Variants in PARM1 observed in about 807,000 individuals in gnomAD.
The protein encoded by PARM1 is prostate androgen-regulated mucin-like protein 1, also known as WSC4, cell wall integrity and stress response component 4 homolog.
Under a neutral mutation model 24.6 loss-of-function variants are expected in PARM1, and 14 were observed. The observed-to-expected ratio is 0.57, with a 90% CI of 0.38 to 0.89. The LOEUF is 0.89. Ranked by LOEUF, PARM1 falls within the 40% of genes least tolerant of loss-of-function variation. The pLI, the probability that PARM1 is intolerant of heterozygous loss-of-function variation, is 0.00. For synonymous variants in PARM1, 179 were observed against 156.6 expected, an observed-to-expected ratio of 1.14 and a Z score of -1.07; for missense variants, 362 against 380.4, an observed-to-expected ratio of 0.95 and a Z score of 0.40.
chr4:75,021,506 A>G (rs773641268), intron 2 of PARM1, among the ~76,000 whole-genome samples: 1 of 151,090 alleles, frequency 6.6e-6, no homozygotes, highest in Non-Finnish European at 1.5e-5. Flanking sequence ...GGTCTGTTAC[A>G]TGGGTAAATT....
chr4:74,955,202 A>G (rs999554698), intron 1 of PARM1, among the ~76,000 whole-genome samples: 3 of 152,094 alleles, frequency 2.0e-5, no homozygotes, highest in Non-Finnish European at 4.4e-5. Context: ...AGCTTACTCT[A>G]TATAATGTAG....
chr4:74,992,374 T>A (rs116754306), intron 1 of PARM1, among the ~76,000 whole-genome samples: 2,152 of 152,280 alleles, frequency 0.014, 67 homozygotes, highest in African/African-American at 0.049. Context: ...GGACAACTTC[T>A]AGAGGCTTAG....
intron 3 of PARM1, among the ~76,000 whole-genome samples, chr4:75,041,089 G>A (rs1283485402): frequency 2.0e-5 from 3 of 152,144 alleles, no homozygotes; most frequent in Admixed American, 6.5e-5. Context: ...GTCTCCCCAC[G>A]TAGAATGTAA....
Position 75,012,826 on chromosome 4 carries a change from A to T in PARM1, c.445A>T (p.Ile149Phe). 1 of 1,613,776 alleles carries T rather than the reference A, an allele frequency of 6.2e-7. No homozygotes were observed. Among genetic ancestry groups the T allele is most frequent in the East Asian group, 2.2e-5 (1 of 44,868 alleles). The change falls in exon 2 of 4, where the codon ATC becomes TTC. Residue 149 changes from isoleucine to phenylalanine, a missense_variant. Physicochemically the swap from Ile to Phe is conservative, Grantham distance 21. Coordinates refer to ENST00000307428, the MANE Select transcript of PARM1 (RefSeq NM_015393.4). The stretch of plus-strand genomic sequence containing the variant: ...GTCCGCTGCTGAGCCTCCCACACTC[A>T]TCTCCCCTCAAGCTCCAGCCTCATC... ...SQSAAEPPTL[I>F]SPQAPASSPS... is the part of the protein sequence containing the mutation.
At chr4:75,027,522 TCTCA>T (rs1280267286) in intron 2 of PARM1, among the ~76,000 whole-genome samples, 1 of 152,110 alleles carries the variant, frequency 6.6e-6, no homozygotes, top group Non-Finnish European at 1.5e-5. Context: ...GGTTTTCTTT[TCTCA>T]CTTTCTCTCC....
At chr4:74,951,615 A>G (rs374628032) in intron 1 of PARM1, among the ~76,000 whole-genome samples, 3 of 151,946 alleles carry the variant, frequency 2.0e-5, no homozygotes. Flanking sequence ...ACAGGCCCCA[A>G]ATGATGTTCC....
At chr4:74,952,413 C>A (rs1319444291) in intron 1 of PARM1, among the ~76,000 whole-genome samples, 2 of 152,118 alleles carry the variant, frequency 1.3e-5, no homozygotes, top group African/African-American at 2.4e-5. Context: ...ATGATAGTTT[C>A]TTTTGCTGTG....
chr4:75,047,284 A>G lies in PARM1; in HGVS notation c.*1037A>G, dbSNP rs953100964. ...TGGCTGTAAAATGTTTAAAAACAAA[A>G]CAAAACAAAAAAGAGGCACTAGTCT... is the stretch of plus-strand genomic sequence containing the variant. On this transcript the variant is annotated 3_prime_UTR_variant, in exon 4 of 4. Transcript: ENST00000307428. 6.6e-6 allele frequency: 1 copy of G among 152,238 alleles called. No individual in the cohort carries two copies. Among genetic ancestry groups the G allele is most frequent in the Non-Finnish European group, 1.5e-5 (1 of 68,044 alleles). 9.4% of individuals were successfully genotyped at this position (152,238 alleles called of 1,614,324 possible).
intron 1 of PARM1, among the ~76,000 whole-genome samples, chr4:74,980,287 T>C (rs7688224): frequency 0.21 from 32,104 of 151,888 alleles, 4,158 homozygotes; most frequent in African/African-American, 0.35. Flanking sequence ...ACAAAATCAG[T>C]TTGCAAAAAT....
At chr4:74,995,523 A>G (rs1391323041) in intron 1 of PARM1, among the ~76,000 whole-genome samples, 1 of 152,148 alleles carries the variant, frequency 6.6e-6, no homozygotes, top group African/African-American at 2.4e-5. Context: ...AAACTGAGAC[A>G]CAAGAGAGAG....
intron 1 of PARM1, among the ~76,000 whole-genome samples, chr4:74,976,153 G>A (rs1299329758): frequency 6.6e-6 from 1 of 152,168 alleles, no homozygotes; most frequent in Non-Finnish European, 1.5e-5. Flanking sequence ...ACTCTTGGTG[G>A]CTGCTTGAGT....
chr4:75,031,073 A>G (rs898526587), intron 2 of PARM1, among the ~76,000 whole-genome samples: 1 of 152,114 alleles, frequency 6.6e-6, no homozygotes, highest in Non-Finnish European at 1.5e-5. Flanking sequence ...GGAACTTCCC[A>G]GGGCTGATGG....
At chr4:74,977,375 T>A (rs1199233061) in intron 1 of PARM1, among the ~76,000 whole-genome samples, 1 of 152,034 alleles carries the variant, frequency 6.6e-6, no homozygotes, top group African/African-American at 2.4e-5. Flanking sequence ...TTGAAGACTA[T>A]CTTCTGAAAC....
At chr4:74,935,848 A>G (rs983666099) in intron 1 of PARM1, among the ~76,000 whole-genome samples, 1 of 152,040 alleles carries the variant, frequency 6.6e-6, no homozygotes, top group Non-Finnish European at 1.5e-5. Context: ...AAATATATTT[A>G]TATATTTTTA....
At chr4:74,948,636 A>G (rs990709962) in intron 1 of PARM1, among the ~76,000 whole-genome samples, 3 of 150,154 alleles carry the variant, frequency 2.0e-5, no homozygotes, top group Non-Finnish European at 4.4e-5. Context: ...CTGGACACCA[A>G]AAAGACACAG....
intron 2 of PARM1, among the ~76,000 whole-genome samples, chr4:75,024,818 C>T (rs1005110859): frequency 6.6e-6 from 1 of 152,170 alleles, no homozygotes; most frequent in African/African-American, 2.4e-5. Flanking sequence ...CCTGCCTCAG[C>T]CTCCTGAATA....
intron 1 of PARM1, among the ~76,000 whole-genome samples, chr4:75,008,905 T>C (rs1722818984): frequency 6.7e-6 from 1 of 149,690 alleles, no homozygotes; most frequent in Non-Finnish European, 1.5e-5. Flanking sequence ...CATGATGCTA[T>C]GAATGGTAAA....
At chr4:75,037,915 G>A (rs1294844564) in intron 3 of PARM1, among the ~76,000 whole-genome samples, 1 of 152,100 alleles carries the variant, frequency 6.6e-6, no homozygotes, top group Admixed American at 6.6e-5. Flanking sequence ...CATGCACTCT[G>A]GGGCAAGTTT....
At chr4:74,992,192 G>T (rs1240376041) in intron 1 of PARM1, among the ~76,000 whole-genome samples, 1 of 152,078 alleles carries the variant, frequency 6.6e-6, no homozygotes, top group African/African-American at 2.4e-5. Flanking sequence ...TTCCTTTTGG[G>T]TTTTTATGGA....
Sources: allele counts gnomAD v4.1 joint callset (sites outside exome capture counted in the v4.1 genomes callset), GRCh38; gene constraint gnomAD v4.1.1; transcripts MANE v1.5; gene names NCBI Gene and HGNC (gene_info 2026-07-23, HGNC 2026-07-21).